The following NALF1 variants were observed in gnomAD, a reference collection of about 807,000 sequenced individuals.
NALF1 encodes the protein family with sequence similarity 155 member A.
NALF1 carries 3 observed loss-of-function variants against 48.4 expected under a neutral mutation model. That is an observed-to-expected ratio of 0.06 (90% CI 0.03 to 0.16). NALF1 has a LOEUF of 0.16. NALF1 is among the 10% of genes least tolerant of loss of function. The pLI, the probability that NALF1 is intolerant of heterozygous loss-of-function variation, is 1.00. For synonymous variants in NALF1, 262 were observed against 245.7 expected, an observed-to-expected ratio of 1.07 and a Z score of -0.62; for missense variants, 526 against 571.5, an observed-to-expected ratio of 0.92 and a Z score of 0.81.
At chr13:107,482,465 C>T (rs1318758925) in intron 1 of NALF1, among the ~76,000 whole-genome samples, 1 of 152,000 alleles carries the variant, frequency 6.6e-6, no homozygotes, top group Admixed American at 6.6e-5. Flanking sequence ...GCTTCCATAT[C>T]GACAGCAAAG....
chr13:107,385,587 GA>G, intron 1 of NALF1, among the ~76,000 whole-genome samples: 1 of 133,966 alleles, frequency 7.5e-6, no homozygotes, highest in African/African-American at 2.8e-5. Context: ...ACAAAGAAAA[GA>G]AAAAAATGCA....
At chr13:107,340,481 CTTTCTTTTTGTCTTTCTTTCTTTCTTTT>C (rs1882654473) in intron 1 of NALF1, among the ~76,000 whole-genome samples, 1 of 53,382 alleles carries the variant, frequency 1.9e-5, no homozygotes, top group South Asian at 7.3e-4. Flanking sequence ...CTCTTTCTTT[CTTTCTTTTTGTCTTTCTTTCTTTCTTTT>C]CTTTCTTTCT....
intron 1 of NALF1, among the ~76,000 whole-genome samples, chr13:107,547,187 C>T (rs1417230124): frequency 6.6e-6 from 1 of 152,188 alleles, no homozygotes; most frequent in Admixed American, 6.5e-5. Context: ...ACTTCAACCA[C>T]ATCAGAAGAG....
At chr13:107,253,019 C>A (rs1481654609) in intron 1 of NALF1, among the ~76,000 whole-genome samples, 3 of 151,956 alleles carry the variant, frequency 2.0e-5, no homozygotes, top group Non-Finnish European at 4.4e-5. Context: ...TTTTACATTT[C>A]TATTATTTAA....
chr13:107,380,829 T>C (rs1240665046), intron 1 of NALF1, among the ~76,000 whole-genome samples: 1 of 151,440 alleles, frequency 6.6e-6, no homozygotes, highest in Middle Eastern at 3.4e-3. Flanking sequence ...ATACAAAAAA[T>C]TAGCCGGGCG....
At chr13:107,624,218 G>A (rs902491591) in intron 1 of NALF1, among the ~76,000 whole-genome samples, 4 of 152,088 alleles carry the variant, frequency 2.6e-5, no homozygotes, top group Admixed American at 6.6e-5. Flanking sequence ...GGGAGTATTC[G>A]CCGTTCTTCT....
intron 2 of NALF1, among the ~76,000 whole-genome samples, chr13:107,183,931 T>C (rs1281661660): frequency 3.9e-5 from 6 of 152,040 alleles, no homozygotes; most frequent in South Asian, 4.1e-4. Context: ...ACTTTACCAC[T>C]GTCTGGTTTC....
intron 1 of NALF1, among the ~76,000 whole-genome samples, chr13:107,741,914 T>C (rs1876647758): frequency 6.6e-6 from 1 of 152,174 alleles, no homozygotes; most frequent in African/African-American, 2.4e-5. Context: ...GACCACAAGC[T>C]TGAGGTAAGG....
At chr13:107,357,161 G>A (rs1048904401) in intron 1 of NALF1, among the ~76,000 whole-genome samples, 5 of 152,104 alleles carry the variant, frequency 3.3e-5, no homozygotes, top group African/African-American at 1.2e-4. Flanking sequence ...AAAGGAAAGA[G>A]GTTTAATTGA....
chr13:107,266,514 C>G (rs1297506485), intron 1 of NALF1, among the ~76,000 whole-genome samples: 2 of 152,064 alleles, frequency 1.3e-5, no homozygotes, highest in East Asian at 1.9e-4. Flanking sequence ...CTTAAGTTTC[C>G]CACCCTCTTG....
chr13:107,176,498 C>T (rs1325514958), intron 2 of NALF1, among the ~76,000 whole-genome samples: 1 of 151,750 alleles, frequency 6.6e-6, no homozygotes, highest in Non-Finnish European at 1.5e-5. Flanking sequence ...AAAAATTAGC[C>T]AGGCGTGGTG....
chr13:107,266,543 TAGA>T (rs1397547224), intron 1 of NALF1, among the ~76,000 whole-genome samples: 5 of 152,154 alleles, frequency 3.3e-5, no homozygotes, highest in Non-Finnish European at 7.3e-5. Context: ...CTTCATTCTG[TAGA>T]AGAATTAGAT....
At chr13:107,229,412 C>G (rs1012000027) in intron 1 of NALF1, among the ~76,000 whole-genome samples, 2 of 152,122 alleles carry the variant, frequency 1.3e-5, no homozygotes, top group Non-Finnish European at 2.9e-5. Flanking sequence ...GATCATTTCT[C>G]ATGCTGGGGG....
chr13:107,496,647 A>C (rs75703774), intron 1 of NALF1, among the ~76,000 whole-genome samples: 7,282 of 152,290 alleles, frequency 0.048, 305 homozygotes, highest in East Asian at 0.11. Context: ...GTCCATTTTC[A>C]TGCTGCTGAA....
At chr13:107,467,920 C>A (rs565253971) in intron 1 of NALF1, among the ~76,000 whole-genome samples, 4 of 151,822 alleles carry the variant, frequency 2.6e-5, no homozygotes, top group South Asian at 4.2e-4. Context: ...TGGTGGCGGG[C>A]GCCTGTAGTC....
rs1878645807 is a variant in NALF1 at position 107,165,830 on chromosome 13, G to T, written c.*4667C>A. ...GAGATTCTGCCTGTTTCAAAATTGT[G>T]ATTTATTCATTAATGGAGATATTTT... On this transcript the variant is annotated 3_prime_UTR_variant, in exon 3 of 3. Coordinates refer to ENST00000375915, the MANE Select transcript of NALF1 (RefSeq NM_001080396.3). 1.3e-5 allele frequency: 2 copies of T among 152,046 alleles called. No homozygotes were observed. Among genetic ancestry groups the T allele is most frequent in the African/African-American group, 4.8e-5 (2 of 41,390 alleles). The allele number at this position is 152,046 out of a possible 1,614,324, so 9.4% of individuals were successfully genotyped here.
In NALF1 at chr13:107,315,219, CTT is replaced by C. The variant is rs1430833519; in HGVS notation, c.916-104466_916-104465del. Among the ~76,000 whole-genome samples, 5 of 151,788 alleles carry C rather than the reference CTT, an allele frequency of 3.3e-5. No individual in the cohort carries two copies. The East Asian group carries it at 7.7e-4, about 23-fold the overall frequency. The stretch of plus-strand genomic sequence containing the variant: ...TTTCATTTGTATACAGTAATACATT[CTT>C]TGTTTTCTTATAAATATAAATTTCT... On this transcript the variant is annotated intron_variant, in intron 1 of 2. Coordinates refer to ENST00000375915, the MANE Select transcript of NALF1 (RefSeq NM_001080396.3).
At chr13:107,398,099 T>C (rs1005938891) in intron 1 of NALF1, among the ~76,000 whole-genome samples, 4 of 152,116 alleles carry the variant, frequency 2.6e-5, no homozygotes, top group Admixed American at 6.5e-5. Flanking sequence ...GAATTGGGCA[T>C]TTTTTTCTCC....
intron 1 of NALF1, among the ~76,000 whole-genome samples, chr13:107,622,841 T>C (rs1413595522): frequency 6.6e-6 from 1 of 152,198 alleles, no homozygotes; most frequent in Non-Finnish European, 1.5e-5. Flanking sequence ...GGCATAGCAG[T>C]AGAAATAAGG....
Sources: gnomAD v4.1 joint callset for allele counts (sites outside exome capture counted in the v4.1 genomes callset) on GRCh38, gnomAD v4.1.1 for gene constraint, MANE v1.5 for transcripts, NCBI Gene and HGNC (gene_info 2026-07-23, HGNC 2026-07-21) for gene names.